Variants in PIGL observed in about 807,000 individuals in gnomAD.
PIGL encodes the protein phosphatidylinositol glycan anchor biosynthesis class L.
PIGL carries 22 observed loss-of-function variants against 31.1 expected under a neutral mutation model. That is an observed-to-expected ratio of 0.71 (90% CI 0.51 to 1.01). The LOEUF is 1.01. PIGL is among the 50% of genes least tolerant of loss of function. The pLI, the probability that PIGL is intolerant of heterozygous loss-of-function variation, is 0.00. For missense variants in PIGL, 302 were observed against 315.9 expected (o/e 0.96, Z 0.33); for synonymous variants, 131 against 117.4 (o/e 1.12, Z -0.75).
At chr17:16,268,043 C>T (rs1056023642) in intron 2 of PIGL, among the ~76,000 whole-genome samples, 12 of 152,176 alleles carry the variant, frequency 7.9e-5, no homozygotes, top group Non-Finnish European at 1.5e-4. Context: ...TTCACCATGC[C>T]GTGGTAACAG....
intron 2 of PIGL, among the ~76,000 whole-genome samples, chr17:16,254,519 C>T (rs543088130): frequency 9.0e-4 from 137 of 152,240 alleles, no homozygotes; most frequent in Non-Finnish European, 1.6e-3. Context: ...CCGCCCACCT[C>T]GGCCTCCCAA....
intron 2 of PIGL, among the ~76,000 whole-genome samples, chr17:16,291,011 A>T (rs954382332): frequency 1.7e-4 from 26 of 152,180 alleles, no homozygotes; most frequent in African/African-American, 5.3e-4. Flanking sequence ...AAGCTTGACT[A>T]CTATTTGAGG....
At chr17:16,280,385 T>C (rs926721693) in intron 2 of PIGL, among the ~76,000 whole-genome samples, 1 of 152,240 alleles carries the variant, frequency 6.6e-6, no homozygotes, top group Non-Finnish European at 1.5e-5. Context: ...TAGTTAACTT[T>C]GAGTGATGGG....
At chr17:16,247,541 TC>T (rs1164407441) in intron 2 of PIGL, among the ~76,000 whole-genome samples, 2 of 152,158 alleles carry the variant, frequency 1.3e-5, no homozygotes, top group East Asian at 3.9e-4. Context: ...GAAGGTAAAC[TC>T]CATTAGATCT....
At chr17:16,285,105 G>A (rs4792729) in intron 2 of PIGL, among the ~76,000 whole-genome samples, 61,372 of 152,084 alleles carry the variant, frequency 0.4, 13,820 homozygotes, top group Middle Eastern at 0.52. Flanking sequence ...ACAGGGGTGA[G>A]ACACCACACC....
At chr17:16,321,668 T>G (rs184457005) in intron 6 of PIGL, among the ~76,000 whole-genome samples, 1 of 152,314 alleles carries the variant, frequency 6.6e-6, no homozygotes, top group East Asian at 1.9e-4. Flanking sequence ...TTTTTGTATT[T>G]TATTATTTCT....
At chr17:16,250,160 TG>T (rs1414695054) in intron 2 of PIGL, among the ~76,000 whole-genome samples, 1 of 152,178 alleles carries the variant, frequency 6.6e-6, no homozygotes, top group African/African-American at 2.4e-5. Flanking sequence ...TTGGTCAGGC[TG>T]GTCTCGAACT....
intron 2 of PIGL, among the ~76,000 whole-genome samples, chr17:16,275,369 GTTTTGGTGGGA>G (rs969994198): frequency 3.3e-5 from 5 of 152,164 alleles, no homozygotes; most frequent in South Asian, 2.1e-4. Flanking sequence ...TGCCATCTTG[GTTTTGGTGGGA>G]TTTTGGTGGG....
intron 2 of PIGL, among the ~76,000 whole-genome samples, chr17:16,253,519 T>G (rs572596758): frequency 2.0e-4 from 31 of 152,360 alleles, no homozygotes; most frequent in African/African-American, 7.2e-4. Flanking sequence ...TTATTACTTT[T>G]TTAAAAGATT....
At chr17:16,264,994 A>C (rs1027564525) in intron 2 of PIGL, among the ~76,000 whole-genome samples, 1 of 152,230 alleles carries the variant, frequency 6.6e-6, no homozygotes, top group African/African-American at 2.4e-5. Flanking sequence ...AGACAAACTT[A>C]GTTTTATAAT....
At chr17:16,286,850 G>A (rs2092940226) in intron 2 of PIGL, among the ~76,000 whole-genome samples, 1 of 152,056 alleles carries the variant, frequency 6.6e-6, no homozygotes, top group Non-Finnish European at 1.5e-5. Flanking sequence ...ATGGTACCCC[G>A]AACCTGCCTG....
chr17:16,324,918 T>G (rs1433196099), intron 6 of PIGL, among the ~76,000 whole-genome samples: 1 of 152,200 alleles, frequency 6.6e-6, no homozygotes, highest in African/African-American at 2.4e-5. Context: ...CCTTTTTTTC[T>G]TCTTCTGATA....
At chr17:16,293,173 A>G (rs1013520853) in intron 2 of PIGL, among the ~76,000 whole-genome samples, 1 of 152,224 alleles carries the variant, frequency 6.6e-6, no homozygotes, top group Non-Finnish European at 1.5e-5. Context: ...CCCCATTAGG[A>G]TATTTTGCCC....
intron 1 of PIGL, among the ~76,000 whole-genome samples, chr17:16,230,322 A>G (rs1001083330): frequency 6.6e-6 from 1 of 152,072 alleles, no homozygotes; most frequent in South Asian, 2.1e-4. Flanking sequence ...ACTTCTTGCT[A>G]TCTCTAAACT....
intron 2 of PIGL, among the ~76,000 whole-genome samples, chr17:16,298,107 C>T (rs1459191058): frequency 1.3e-5 from 2 of 152,176 alleles, no homozygotes; most frequent in African/African-American, 4.8e-5. Context: ...AAACTGGTCC[C>T]TGGTGCCAGA....
At chr17:16,217,713 T>A in intron 1 of PIGL, 2 of 505,536 alleles carry the variant, frequency 4.0e-6, no homozygotes, top group Non-Finnish European at 7.1e-6. Context: ...TTGGTTGTAT[T>A]CAGTACCTGC....
intron 4 of PIGL, 27 bp downstream of exon 4, chr17:16,313,641 G>A (rs2093064379): frequency 5.1e-6 from 8 of 1,566,686 alleles, no homozygotes; most frequent in African/African-American, 1.3e-5. Flanking sequence ...GATGGATGTG[G>A]GGGAGGGTTT....
rs1438674368 is a variant in PIGL at position 16,312,145 on chromosome 17, C to T, written c.427-1402C>T. On this transcript the variant is annotated intron_variant, in intron 3 of 6. Coordinates refer to ENST00000225609, the MANE Select transcript of PIGL (RefSeq NM_004278.4). ...GGCCGGGCGGGGGCTGCCCGCAGCC[C>T]CCCACCTCCCTCCCGGACGGGGCGG... 2.0e-5 allele frequency among the ~76,000 whole-genome samples: 3 copies of T among 150,816 alleles called. No homozygotes were observed. In the East Asian group the frequency reaches 6.0e-4, roughly 30 times the overall value.
At chr17:16,316,975 GT>G in intron 5 of PIGL, 9 of 1,264,430 alleles carry the variant, frequency 7.1e-6, no homozygotes, top group Non-Finnish European at 9.1e-6. Flanking sequence ...CAGGGTGGAT[GT>G]TTTACACCTC....
Sources: gnomAD v4.1 joint callset for allele counts (sites outside exome capture counted in the v4.1 genomes callset) on GRCh38, gnomAD v4.1.1 for gene constraint, MANE v1.5 for transcripts, NCBI Gene and HGNC (gene_info 2026-07-23, HGNC 2026-07-21) for gene names.